The following KCNQ3 variants were observed in gnomAD, a reference collection of about 807,000 sequenced individuals.
KCNQ3 encodes the protein potassium voltage-gated channel subfamily Q member 3.
KCNQ3 carries 30 observed loss-of-function variants against 92.5 expected under a neutral mutation model. The ratio of observed to expected loss-of-function variants is 0.32; its 90% CI spans 0.24 to 0.44. KCNQ3 has a LOEUF of 0.44. Ranked by LOEUF, KCNQ3 falls within the 20% of genes least tolerant of loss-of-function variation. The probability of loss-of-function intolerance (pLI) is 1.00; values close to 1 mark genes in which losing one functional copy is unlikely to be tolerated. For synonymous variants in KCNQ3, 450 were observed against 468.8 expected, an observed-to-expected ratio of 0.96 and a Z score of 0.52; for missense variants, 913 against 1,140.3, an observed-to-expected ratio of 0.80 and a Z score of 2.87.
intron 9 of KCNQ3, among the ~76,000 whole-genome samples, chr8:132,155,425 C>T (rs761151071): frequency 1.3e-5 from 2 of 152,140 alleles, no homozygotes; most frequent in Non-Finnish European, 2.9e-5. Context: ...CCAAGAAAAC[C>T]TGGAAATATG....
At chr8:132,229,382 G>C (rs910855716) in intron 1 of KCNQ3, among the ~76,000 whole-genome samples, 7 of 152,140 alleles carry the variant, frequency 4.6e-5, no homozygotes, top group African/African-American at 1.7e-4. Context: ...ACAGCAAGAG[G>C]CTGTGGGCAA....
chr8:132,221,473 ATC>A (rs927630938), intron 1 of KCNQ3, among the ~76,000 whole-genome samples: 8 of 152,180 alleles, frequency 5.3e-5, no homozygotes, highest in African/African-American at 1.9e-4. Context: ...CCTCTCCAGC[ATC>A]TGTTGTTTCC....
chr8:132,226,842 G>C (rs1428511063), intron 1 of KCNQ3, among the ~76,000 whole-genome samples: 1 of 152,062 alleles, frequency 6.6e-6, no homozygotes, highest in Admixed American at 6.5e-5. Flanking sequence ...CTCTCTGAGG[G>C]ATAAAAACAA....
chr8:132,238,319 G>T (rs1814881094), intron 1 of KCNQ3, among the ~76,000 whole-genome samples: 1 of 152,028 alleles, frequency 6.6e-6, no homozygotes, highest in Admixed American at 6.6e-5. Flanking sequence ...TGGGGTGAGA[G>T]CTGATAAAAA....
chr8:132,463,852 G>A (rs1822113119), intron 1 of KCNQ3, among the ~76,000 whole-genome samples: 1 of 152,082 alleles, frequency 6.6e-6, no homozygotes, highest in African/African-American at 2.4e-5. Context: ...TTCCTCTGAC[G>A]CCCAGGCCGG....
chr8:132,397,157 C>T (rs1345724292), intron 1 of KCNQ3, among the ~76,000 whole-genome samples: 2 of 152,110 alleles, frequency 1.3e-5, no homozygotes, highest in Non-Finnish European at 1.5e-5. Context: ...GGGCTAATAT[C>T]GCATTTTACC....
At chr8:132,254,157 C>T (rs768183418) in intron 1 of KCNQ3, among the ~76,000 whole-genome samples, 2 of 152,202 alleles carry the variant, frequency 1.3e-5, no homozygotes, top group African/African-American at 2.4e-5. Context: ...GCATTTAAAA[C>T]TGACTCATGT....
chr8:132,216,728 A>G (rs759905915), intron 1 of KCNQ3, among the ~76,000 whole-genome samples: 3 of 152,168 alleles, frequency 2.0e-5, no homozygotes, highest in Non-Finnish European at 4.4e-5. Context: ...TGGTACACAC[A>G]CTATCATTTG....
chr8:132,378,643 G>A (rs574319008), intron 1 of KCNQ3, among the ~76,000 whole-genome samples: 5 of 152,172 alleles, frequency 3.3e-5, no homozygotes, highest in East Asian at 1.9e-4. Context: ...TTTGTTTTCC[G>A]AATGGAGGGA....
chr8:132,127,507 C>T lies in KCNQ3; in HGVS notation c.*1755G>A, dbSNP rs986635877. ...TCTCTCCAACATAGTGCCAGACTCT[C>T]GTATTAGGAAATGATGAAACCATCA... On this transcript the variant is annotated 3_prime_UTR_variant, in exon 15 of 15. Coordinates refer to ENST00000388996, the MANE Select transcript of KCNQ3 (RefSeq NM_004519.4). The T allele has an allele frequency of 1.3e-5, 2 of 152,192 alleles. No individual in the cohort carries two copies. The highest frequency in any genetic ancestry group is 2.4e-5 in the African/African-American group (1 of 41,432). 9.4% of individuals were successfully genotyped at this position (152,192 alleles called of 1,614,324 possible).
At chr8:132,465,721 G>A (rs1427234656) in intron 1 of KCNQ3, among the ~76,000 whole-genome samples, 1 of 152,054 alleles carries the variant, frequency 6.6e-6, no homozygotes, top group Admixed American at 6.6e-5. Context: ...TCCAGCCTGG[G>A]CAACAGAGCG....
rs566379156 is a variant in KCNQ3, at chr8:132,314,684, G to A, written c.387-128503C>T. 8.5e-5 allele frequency among the ~76,000 whole-genome samples: 13 copies of A among 152,316 alleles called. No homozygotes were observed. The East Asian group carries it at 2.3e-3, about 27-fold the overall frequency. On this transcript the variant is annotated intron_variant, in intron 1 of 14. Transcript: ENST00000388996. ...ATATAAAATTTAGTTTATGGTGAAG[G>A]TAGCAGCACTAATGGGTGAAGGAAT...
chr8:132,402,474 G>A (rs781500319), intron 1 of KCNQ3, among the ~76,000 whole-genome samples: 3 of 152,130 alleles, frequency 2.0e-5, no homozygotes, highest in Admixed American at 6.5e-5. Flanking sequence ...AAGGTCTTTC[G>A]TGTATCTCCT....
At chr8:132,348,413 C>T (rs1457776) in intron 1 of KCNQ3, among the ~76,000 whole-genome samples, 36,532 of 152,010 alleles carry the variant, frequency 0.24, 4,896 homozygotes, top group African/African-American at 0.37. Context: ...ACAAGCCCTG[C>T]AACTGAGGGT....
chr8:132,202,694 T>C (rs1427841891), intron 1 of KCNQ3, among the ~76,000 whole-genome samples: 1 of 152,132 alleles, frequency 6.6e-6, no homozygotes, highest in Non-Finnish European at 1.5e-5. Flanking sequence ...CAATACCTTG[T>C]TCCTCATTTT....
At chr8:132,263,030 C>T (rs1464297261) in intron 1 of KCNQ3, among the ~76,000 whole-genome samples, 1 of 152,168 alleles carries the variant, frequency 6.6e-6, no homozygotes, top group Non-Finnish European at 1.5e-5. Flanking sequence ...GGAGGTAGAT[C>T]TGGAATTTAA....
intron 1 of KCNQ3, among the ~76,000 whole-genome samples, chr8:132,288,827 T>G (rs1816755483): frequency 6.6e-6 from 1 of 152,214 alleles, no homozygotes; most frequent in Non-Finnish European, 1.5e-5. Context: ...GACTCATCTG[T>G]CTACCGATGT....
At position 132,279,059 on chromosome 8, in the gene KCNQ3, T is replaced by TA. The variant is rs201274123; in HGVS notation, c.387-92879dup. ...GATGAAACCCCGTCTCTACTAGAAA[T>TA]AAAAAAAAAATCAGCTGGGCTTGGT... On this transcript the variant is annotated intron_variant, in intron 1 of 14. Transcript: ENST00000388996. Among the ~76,000 whole-genome samples the TA allele has an allele frequency of 1.5e-3, 218 of 149,066 alleles. No homozygotes were observed. In the Middle Eastern group the frequency reaches 0.031, roughly 21 times the overall value.
chr8:132,336,758 T>A (rs1234857475), intron 1 of KCNQ3, among the ~76,000 whole-genome samples: 2 of 152,236 alleles, frequency 1.3e-5, no homozygotes, highest in African/African-American at 4.8e-5. Context: ...AATGCCCCAG[T>A]GCCTATTGAA....
Sources: allele counts gnomAD v4.1 joint callset (sites outside exome capture counted in the v4.1 genomes callset), GRCh38; gene constraint gnomAD v4.1.1; transcripts MANE v1.5; gene names NCBI Gene and HGNC (gene_info 2026-07-23, HGNC 2026-07-21).